AASDH: variants seen among roughly 807,000 people sequenced by gnomAD.
AASDH encodes the protein beta-alanine-activating enzyme.
AASDH carries 81 observed loss-of-function variants against 102.3 expected under a neutral mutation model. That is an observed-to-expected ratio of 0.79 (90% CI 0.66 to 0.95). The LOEUF (loss-of-function observed/expected upper bound fraction) is 0.95, where lower values mean the gene tolerates loss of function less well. Ranked by LOEUF, AASDH falls within the 40% of genes least tolerant of loss-of-function variation. The probability of loss-of-function intolerance (pLI) is 0.00; values close to 1 mark genes in which losing one functional copy is unlikely to be tolerated. For synonymous variants in AASDH, 398 were observed against 454.0 expected (o/e 0.88, Z 1.57); for missense variants, 1,203 against 1,266.2 (o/e 0.95, Z 0.76).
intron 3 of AASDH, among the ~76,000 whole-genome samples, chr4:56,381,521 T>C (rs1476731570): frequency 6.6e-6 from 1 of 151,412 alleles, no homozygotes; most frequent in Non-Finnish European, 1.5e-5. Context: ...GAGGTTGCAG[T>C]GAGCTGAGAT....
At chr4:56,356,990 T>C (rs971472360) in intron 5 of AASDH, 15 of 405,462 alleles carry the variant, frequency 3.7e-5, no homozygotes, top group Non-Finnish European at 6.7e-5. Flanking sequence ...AATTTTCCTT[T>C]AAAAATGTGC....
intron 12 of AASDH, among the ~76,000 whole-genome samples, chr4:56,343,950 T>C (rs1378598989): frequency 6.6e-6 from 1 of 152,192 alleles, no homozygotes; most frequent in Non-Finnish European, 1.5e-5. Context: ...AATATGTGTA[T>C]ATACACACAC....
rs772792391 is a variant in AASDH, at chr4:56,378,370, G to A, written c.446C>T (p.Thr149Ile). 1.9e-6 allele frequency: 3 copies of A among 1,613,704 alleles called. No homozygotes were observed. In the South Asian group the frequency reaches 3.3e-5, roughly 18 times the overall value. Residue 149 changes from threonine (T) to isoleucine (I), a missense_variant, in exon 4 of 15, where the codon ACT becomes ATT. By Grantham distance (89) the Thr-to-Ile change is moderately conservative. Transcript: ENST00000205214. ...ATCATTTAGCATCAAGTTCACCTCAGTATTTTTCCAGTGAAGTCTGAAGAG... is the reference window on the plus strand; with the variant it reads ...ATCATTTAGCATCAAGTTCACCTCAATATTTTTCCAGTGAAGTCTGAAGAG... The part of the protein sequence containing the change: ...LVLFRLHWKN[T>I]EVNLMLNDGK...
intron 4 of AASDH, 56 bp from the exon 5 acceptor site, chr4:56,371,699 T>G: frequency 6.8e-7 from 1 of 1,462,468 alleles, no homozygotes; most frequent in Non-Finnish European, 9.2e-7. Context: ...TAAGCACATA[T>G]CCTAAAAGAG....
At chr4:56,356,877 C>A in intron 5 of AASDH, 1 of 964,148 alleles carries the variant, frequency 1.0e-6, no homozygotes, top group Non-Finnish European at 1.6e-6. Flanking sequence ...CTGTGGCTCG[C>A]ATCGCCAAGC....
intron 11 of AASDH, 85 bp downstream of exon 11, chr4:56,349,178 T>A (rs1205168848): frequency 7.1e-7 from 1 of 1,416,268 alleles, no homozygotes; most frequent in Non-Finnish European, 9.6e-7. Context: ...CATATTTAGA[T>A]TTTTAAAAAA....
chr4:56,366,229 T>C (rs1404056797), intron 5 of AASDH, among the ~76,000 whole-genome samples: 1 of 152,154 alleles, frequency 6.6e-6, no homozygotes, highest in Non-Finnish European at 1.5e-5. Flanking sequence ...CAATAATTAA[T>C]AGCCTACGAA....
At chr4:56,348,678 T>A (rs1273619918) in intron 11 of AASDH, among the ~76,000 whole-genome samples, 1 of 152,178 alleles carries the variant, frequency 6.6e-6, no homozygotes, top group Non-Finnish European at 1.5e-5. Flanking sequence ...CTGAGGAATG[T>A]TAGCTGCCAT....
chr4:56,341,213 G>A (rs1747636615), intron 14 of AASDH, among the ~76,000 whole-genome samples: 1 of 152,052 alleles, frequency 6.6e-6, no homozygotes, highest in African/African-American at 2.4e-5. Flanking sequence ...CATCTCCCAT[G>A]TTTACTGCAG....
chr4:56,374,397 T>C (rs539214052), intron 4 of AASDH, among the ~76,000 whole-genome samples: 41 of 148,186 alleles, frequency 2.8e-4, no homozygotes, highest in African/African-American at 9.5e-4. Context: ...AAAAGGACAT[T>C]TGAGATTCAA....
At position 56,351,449 on chromosome 4, in the gene AASDH, CA is replaced by C; in HGVS notation, c.1584del (p.Ile528MetfsTer6). 6.5e-7 allele frequency: 1 copy of C among 1,533,514 alleles called. No individual in the cohort carries two copies. Among genetic ancestry groups the C allele is most frequent in the South Asian group, 1.2e-5 (1 of 84,284 alleles). 95.0% of individuals were successfully genotyped at this position (1,533,514 alleles called of 1,614,324 possible). ...DSLPFTSHGKIDVSELNKIYL... is the reference protein window; with the variant it reads ...DSLPFTSHGKXDVSELNKIYL... Reference sequence around the variant, plus strand: ...TATATCTTGTTTAACTCAGAAACATCAATTTTGCCTTAATATAAAAGAGAAA... The same window carrying C: ...TATATCTTGTTTAACTCAGAAACATCATTTTGCCTTAATATAAAAGAGAAA... On this transcript the variant is annotated frameshift_variant, in exon 10 of 15. Transcript: ENST00000205214. LOFTEE classifies it high-confidence loss of function.
At chr4:56,381,952 T>A (rs1753018439) in intron 3 of AASDH, 2 of 152,128 alleles carry the variant, frequency 1.3e-5, no homozygotes, top group South Asian at 4.1e-4. Context: ...TTTACTTTTC[T>A]GGAAAGATCT....
chr4:56,357,520 C>G (rs142455456), intron 5 of AASDH, among the ~76,000 whole-genome samples: 25 of 152,004 alleles, frequency 1.6e-4, no homozygotes, highest in Middle Eastern at 3.4e-3. Flanking sequence ...CCAAAACTAC[C>G]TGTGTACCAC....
chr4:56,379,333 A>G (rs1490684173), intron 3 of AASDH, among the ~76,000 whole-genome samples: 3 of 152,000 alleles, frequency 2.0e-5, no homozygotes, highest in Admixed American at 6.6e-5. Context: ...ATGTCTCACT[A>G]TGTTACCCAA....
At chr4:56,356,943 T>C in intron 5 of AASDH, 2 of 613,414 alleles carry the variant, frequency 3.3e-6, no homozygotes, top group Non-Finnish European at 5.7e-6. Context: ...TGTACACTGC[T>C]GAGTTTTCTG....
intron 14 of AASDH, among the ~76,000 whole-genome samples, chr4:56,340,290 G>C (rs968790359): frequency 6.6e-5 from 10 of 152,138 alleles, no homozygotes; most frequent in Non-Finnish European, 1.0e-4. Context: ...TCAAAATAAG[G>C]CTAATTTAGC....
In AASDH at chr4:56,343,758, T is replaced by C. The variant is rs193090166; in HGVS notation, c.2653-74A>G. 119 of 1,388,884 alleles carry C rather than the reference T, an allele frequency of 8.6e-5. 1 individual carries two copies. In the East Asian group the frequency reaches 2.3e-3, roughly 27 times the overall value. 86.0% of individuals were successfully genotyped at this position (1,388,884 alleles called of 1,614,324 possible). ...TCCATATAACCTACCCTTCATGATA[T>C]TATGTCTGTTTAGTTAATATAAGTT... On this transcript the variant is annotated intron_variant, in intron 12 of 14. Transcript: ENST00000205214.
In AASDH at chr4:56,354,846, T is replaced by C. The variant is rs769486609; in HGVS notation, c.1104-35A>G. ...TAAGATACAGAGCAGATTTAAAATT[T>C]TTCATTTGAATAGAATATTTTCCAA... On this transcript the variant is annotated intron_variant, in intron 6 of 14. Coordinates refer to ENST00000205214, the MANE Select transcript of AASDH (RefSeq NM_181806.4). The C allele has an allele frequency of 2.7e-5, 41 of 1,503,198 alleles. No homozygotes were observed. In the South Asian group the frequency reaches 4.8e-4, roughly 18 times the overall value. The allele number at this position is 1,503,198 out of a possible 1,614,324, so 93.1% of individuals were successfully genotyped here.
rs549502918 is a variant in AASDH, at chr4:56,364,544, A to G, written c.861+6907T>C. Among the ~76,000 whole-genome samples the G allele has an allele frequency of 3.9e-5, 6 of 152,356 alleles. No individual in the cohort carries two copies. In the South Asian group the frequency reaches 8.3e-4, roughly 21 times the overall value. Reference sequence around the variant, plus strand: ...CTCGGCAGAAACTCTACAAGCCAGAAGAGAGTGGGAGCCAATATTCAACAT... The same window carrying G: ...CTCGGCAGAAACTCTACAAGCCAGAGGAGAGTGGGAGCCAATATTCAACAT... On this transcript the variant is annotated intron_variant, in intron 5 of 14. Transcript: ENST00000205214.
Sources: gnomAD v4.1 joint callset for allele counts (sites outside exome capture counted in the v4.1 genomes callset) on GRCh38, gnomAD v4.1.1 for gene constraint, MANE v1.5 for transcripts, NCBI Gene and HGNC (gene_info 2026-07-23, HGNC 2026-07-21) for gene names.